The following ERC1 variants were observed in gnomAD, a reference collection of about 807,000 sequenced individuals.
ERC1 encodes the protein RAB6 interacting protein 2.
A neutral mutation model predicts 132.0 loss-of-function variants in ERC1; 56 were observed. The observed-to-expected ratio is 0.42, with a 90% CI of 0.34 to 0.53. The LOEUF (loss-of-function observed/expected upper bound fraction) is 0.53. Ranked by LOEUF, ERC1 falls within the 20% of genes least tolerant of loss-of-function variation. The pLI, the probability that ERC1 is intolerant of heterozygous loss-of-function variation, is 0.03. For synonymous variants in ERC1, 478 were observed against 476.1 expected (o/e 1.00, Z -0.05); for missense variants, 1,202 against 1,349.9 (o/e 0.89, Z 1.72).
intron 13 of ERC1, among the ~76,000 whole-genome samples, chr12:1,261,050 A>T (rs1015784103): frequency 6.6e-6 from 1 of 152,220 alleles, no homozygotes; most frequent in African/African-American, 2.4e-5. Context: ...ATGAAACACT[A>T]TGAAACTTGA....
At chr12:1,411,782 G>A (rs2091866898) in intron 17 of ERC1, among the ~76,000 whole-genome samples, 1 of 152,138 alleles carries the variant, frequency 6.6e-6, no homozygotes, top group Non-Finnish European at 1.5e-5. Flanking sequence ...TCAGCTGGAA[G>A]CACCACATAT....
chr12:1,057,478 T>G (rs1973182047), intron 2 of ERC1, among the ~76,000 whole-genome samples: 1 of 151,438 alleles, frequency 6.6e-6, no homozygotes, highest in African/African-American at 2.4e-5. Context: ...AAAATAAAAA[T>G]AGAACAGGGG....
Position 1,263,186 on chromosome 12 carries a change from C to A in ERC1, c.2619+21C>A, listed in dbSNP as rs544694278. ...AACAGGTCTGCTATTTTATACAGTT[C>A]CAAGCAATGCTGCTGGTTAACCAAA... On this transcript the variant is annotated intron_variant, in intron 14 of 18. Coordinates refer to ENST00000360905, the MANE Select transcript of ERC1 (RefSeq NM_178040.4). 9 of 1,612,234 alleles carry A rather than the reference C, an allele frequency of 5.6e-6. No homozygotes were observed. In the South Asian group the frequency reaches 9.9e-5, roughly 18 times the overall value.
chr12:1,200,581 C>T (rs1314701413), intron 12 of ERC1, among the ~76,000 whole-genome samples: 2 of 149,482 alleles, frequency 1.3e-5, no homozygotes, highest in African/African-American at 5.0e-5. Flanking sequence ...TTTTCTGAGG[C>T]GGAGTCTCTC....
intron 17 of ERC1, among the ~76,000 whole-genome samples, chr12:1,411,939 T>G (rs1434893390): frequency 2.6e-5 from 4 of 152,214 alleles, no homozygotes; most frequent in African/African-American, 9.6e-5. Flanking sequence ...CCTGAAATCT[T>G]CATTTTCCTT....
At chr12:1,238,604 C>A (rs970920515) in intron 13 of ERC1, among the ~76,000 whole-genome samples, 15 of 152,104 alleles carry the variant, frequency 9.9e-5, no homozygotes, top group Non-Finnish European at 2.1e-4. Context: ...CCTTCTTGAA[C>A]TATGGCCACA....
In ERC1 at chr12:1,371,838, A is replaced by G. The variant is rs375731985; in HGVS notation, c.2786A>G (p.Glu929Gly). 3 of 1,613,320 alleles carry G rather than the reference A, an allele frequency of 1.9e-6. No individual in the cohort carries two copies. The African/African-American group carries it at 4.0e-5, about 22-fold the overall frequency. The change falls in exon 16 of 19, where the codon GAA (glutamate) becomes GGA (glycine). Residue 929 changes from glutamate to glycine, a missense_variant. Transcript: ENST00000360905. ...GCATTTGCTTTCTTTTGCAGGCAAGAAGCTCTTCTGGCTGCCATTAGTGAA... is the reference window on the plus strand; with the variant it reads ...GCATTTGCTTTCTTTTGCAGGCAAGGAGCTCTTCTGGCTGCCATTAGTGAA... Reference protein sequence around the residue: ...HLEEVLEMKQEALLAAISEKD... With the variant: ...HLEEVLEMKQGALLAAISEKD...
intron 18 of ERC1, among the ~76,000 whole-genome samples, chr12:1,487,512 C>A (rs2094242346): frequency 7.3e-6 from 1 of 137,084 alleles, no homozygotes; most frequent in Admixed American, 7.9e-5. Flanking sequence ...CAAGACCAGC[C>A]TGGGCAACAT....
chr12:1,074,943 T>G (rs1457068969), intron 2 of ERC1, among the ~76,000 whole-genome samples: 1 of 152,016 alleles, frequency 6.6e-6, no homozygotes, highest in Non-Finnish European at 1.5e-5. Flanking sequence ...CGGGTCTTTT[T>G]TGCATTTTGG....
chr12:1,475,497 GA>G (rs1279314699), intron 18 of ERC1, among the ~76,000 whole-genome samples: 2 of 152,198 alleles, frequency 1.3e-5, no homozygotes, highest in Admixed American at 6.5e-5. Context: ...GCATTACAGA[GA>G]AAAGGGGCTC....
At chr12:1,293,323 G>A (rs1163576143) in intron 15 of ERC1, among the ~76,000 whole-genome samples, 4 of 147,450 alleles carry the variant, frequency 2.7e-5, no homozygotes, top group African/African-American at 7.5e-5. Context: ...CGTGGTGGCG[G>A]GCGCCTGTAG....
chr12:1,264,903 T>C (rs1482678819), intron 14 of ERC1, among the ~76,000 whole-genome samples: 1 of 152,198 alleles, frequency 6.6e-6, no homozygotes, highest in African/African-American at 2.4e-5. Context: ...ACATAGTATG[T>C]GCCCCAGGGA....
chr12:1,310,103 A>G (rs2081190134), intron 15 of ERC1, among the ~76,000 whole-genome samples: 1 of 151,520 alleles, frequency 6.6e-6, no homozygotes. Flanking sequence ...ACCCGCCACC[A>G]TGCCTGGCTA....
intron 15 of ERC1, among the ~76,000 whole-genome samples, chr12:1,340,654 T>C (rs1190343363): frequency 1.3e-5 from 2 of 152,088 alleles, no homozygotes; most frequent in African/African-American, 4.8e-5. Flanking sequence ...TTCTGTGTGT[T>C]CCCTCCATCC....
At chr12:1,133,158 G>GT (rs1948933575) in intron 7 of ERC1, among the ~76,000 whole-genome samples, 1 of 18,930 alleles carries the variant, frequency 5.3e-5, no homozygotes, top group Admixed American at 1.1e-3. Flanking sequence ...ACACCTGGCC[G>GT]GTTTTTTTTT....
At chr12:1,272,571 A>T (rs2077938250) in intron 14 of ERC1, among the ~76,000 whole-genome samples, 1 of 152,192 alleles carries the variant, frequency 6.6e-6, no homozygotes, top group African/African-American at 2.4e-5. Context: ...CAGATTATTT[A>T]TTCTCTGAGA....
intron 18 of ERC1, among the ~76,000 whole-genome samples, chr12:1,452,400 T>C (rs1193623162): frequency 6.6e-6 from 1 of 152,174 alleles, no homozygotes; most frequent in Non-Finnish European, 1.5e-5. Flanking sequence ...TTGATGATAA[T>C]GTACCTAGTT....
intron 14 of ERC1, among the ~76,000 whole-genome samples, chr12:1,274,307 C>T: frequency 6.6e-6 from 1 of 152,052 alleles, no homozygotes; most frequent in East Asian, 1.9e-4. Context: ...TGGTCCTTTT[C>T]CTCATGGAGC....
chr12:1,453,835 T>C (rs2154417406), intron 18 of ERC1, among the ~76,000 whole-genome samples: 1 of 152,342 alleles, frequency 6.6e-6, no homozygotes, highest in African/African-American at 2.4e-5. Context: ...TTTTTAATGC[T>C]AAATATAGTA....
Sources: allele counts gnomAD v4.1 joint callset (sites outside exome capture counted in the v4.1 genomes callset), GRCh38; gene constraint gnomAD v4.1.1; transcripts MANE v1.5; gene names NCBI Gene and HGNC (gene_info 2026-07-23, HGNC 2026-07-21).